The following CDH4 variants were observed in gnomAD, a reference collection of about 807,000 sequenced individuals.
The protein encoded by CDH4 is cadherin-4.
Under a neutral mutation model 86.0 loss-of-function variants are expected in CDH4, and 33 were observed. That is an observed-to-expected ratio of 0.38 (90% confidence interval 0.29 to 0.51). The LOEUF (loss-of-function observed/expected upper bound fraction) is 0.51, where lower values mean the gene tolerates loss of function less well. Among genes scored for constraint, CDH4 ranks in the 20% least tolerant of loss-of-function variants. The pLI is 0.86. For synonymous variants in CDH4, 555 were observed against 549.4 expected (o/e 1.01, Z -0.14); for missense variants, 1,114 against 1,307.4 (o/e 0.85, Z 2.28).
intron 2 of CDH4, among the ~76,000 whole-genome samples, chr20:61,679,968 A>G (rs1411722393): frequency 2.6e-5 from 4 of 151,948 alleles, no homozygotes; most frequent in Non-Finnish European, 5.9e-5. Context: ...AGTCCCCAAG[A>G]GGAGACCCTC....
rs1481111412 is a variant in CDH4 at position 61,852,830 on chromosome 20, T to C, written c.809T>C (p.Met270Thr). The C allele has an allele frequency of 1.9e-6, 3 of 1,614,112 alleles. No homozygotes were observed. Among genetic ancestry groups the C allele is most frequent in the Non-Finnish European group, 2.5e-6 (3 of 1,179,992 alleles). ...PIDLYIYVID[M>T]NDNRPEFINQ... ...GACCTGTACATCTACGTCATCGACA[T>C]GAATGACAACCGCCCTGAGTTCATC... The change falls in exon 6 of 16, where the codon ATG becomes ACG. Residue 270 changes from methionine to threonine, a missense_variant. Met to Thr is a moderately conservative substitution (Grantham distance 81). Around this residue, in one of 3 missense-constraint regions of CDH4, gnomAD observed 705 missense variants for 914.1 expected, o/e 0.77. Coordinates refer to ENST00000614565, the MANE Select transcript of CDH4 (RefSeq NM_001794.5).
At chr20:61,457,706 T>A (rs2085416168) in intron 2 of CDH4, among the ~76,000 whole-genome samples, 2 of 151,270 alleles carry the variant, frequency 1.3e-5, no homozygotes, top group Admixed American at 1.3e-4. Flanking sequence ...ATGGTGATGG[T>A]TATGATGGTG....
intron 2 of CDH4, among the ~76,000 whole-genome samples, chr20:61,503,934 G>A (rs528032732): frequency 1.3e-5 from 2 of 152,286 alleles, no homozygotes; most frequent in South Asian, 4.1e-4. Flanking sequence ...CCCAAACAGG[G>A]AGAAGAACAT....
chr20:61,758,531 C>T (rs889265775), intron 3 of CDH4, among the ~76,000 whole-genome samples: 33 of 152,138 alleles, frequency 2.2e-4, no homozygotes, highest in African/African-American at 6.0e-4. Context: ...GAGAGAGCCC[C>T]GGGGTGAATC....
rs1194002549 is a variant in CDH4, at chr20:61,821,818, A to G, written c.577-22850A>G. Among the ~76,000 whole-genome samples the G allele has an allele frequency of 2.0e-5, 3 of 152,346 alleles. No homozygotes were observed. In the East Asian group the frequency reaches 5.8e-4, roughly 29 times the overall value. The stretch of plus-strand genomic sequence containing the variant: ...TCCCAGGCACCTGGATGGCCTGGGT[A>G]CCATGTACCCGAGAGAGATGGCAGG... On this transcript the variant is annotated intron_variant, in intron 4 of 15. Transcript: ENST00000614565.
rs1039497442 is a variant in CDH4 at position 61,928,131 on chromosome 20, G to A, written c.1772-59G>A. ...TTGTGTGCGTGTCCTGTGTGGAGCT[G>A]TGGGTTGGTCATGGAGTACCAGGAG... is the stretch of plus-strand genomic sequence containing the variant. On this transcript the variant is annotated intron_variant, in intron 11 of 15. Coordinates refer to ENST00000614565, the MANE Select transcript of CDH4 (RefSeq NM_001794.5). 4 of 1,301,352 alleles carry A rather than the reference G, an allele frequency of 3.1e-6. No individual in the cohort carries two copies. The South Asian group carries it at 3.5e-5, about 11-fold the overall frequency. The allele number at this position is 1,301,352 out of a possible 1,614,324, so 80.6% of individuals were successfully genotyped here.
At chr20:61,737,538 C>A (rs1214182941) in intron 2 of CDH4, among the ~76,000 whole-genome samples, 1 of 152,278 alleles carries the variant, frequency 6.6e-6, no homozygotes, top group African/African-American at 2.4e-5. Context: ...ATGCTGTCAT[C>A]ACCTGGCCAC....
At chr20:61,361,929 A>T (rs1280417649) in intron 2 of CDH4, among the ~76,000 whole-genome samples, 1 of 152,164 alleles carries the variant, frequency 6.6e-6, no homozygotes, top group Non-Finnish European at 1.5e-5. Flanking sequence ...GGCCCAGGGG[A>T]TCCTGTGCAC....
chr20:61,477,236 G>A (rs2085542528), intron 2 of CDH4, among the ~76,000 whole-genome samples: 1 of 152,258 alleles, frequency 6.6e-6, no homozygotes, highest in Non-Finnish European at 1.5e-5. Flanking sequence ...CGGGGCAGGA[G>A]GGGTCCTATG....
At chr20:61,728,467 G>A (rs1052572894) in intron 2 of CDH4, among the ~76,000 whole-genome samples, 1 of 152,138 alleles carries the variant, frequency 6.6e-6, no homozygotes, top group Non-Finnish European at 1.5e-5. Flanking sequence ...CAGGAAAGGG[G>A]AGTGCCAAGC....
chr20:61,679,258 T>A (rs904088438), intron 2 of CDH4, among the ~76,000 whole-genome samples: 2 of 152,134 alleles, frequency 1.3e-5, no homozygotes, highest in Middle Eastern at 3.2e-3. Flanking sequence ...TGTCCTCGTC[T>A]CTCTTACTCT....
intron 2 of CDH4, among the ~76,000 whole-genome samples, chr20:61,276,297 T>G (rs1350420073): frequency 6.6e-6 from 1 of 152,198 alleles, no homozygotes. Flanking sequence ...AAGTGCACAT[T>G]TGCACTTTCA....
chr20:61,699,940 G>A (rs976298602), intron 2 of CDH4, among the ~76,000 whole-genome samples: 1 of 152,182 alleles, frequency 6.6e-6, no homozygotes, highest in Non-Finnish European at 1.5e-5. Context: ...CTGTTGGGGG[G>A]CCCCATGTCA....
chr20:61,328,348 T>C (rs1318111396), intron 2 of CDH4, among the ~76,000 whole-genome samples: 1 of 152,136 alleles, frequency 6.6e-6, no homozygotes, highest in East Asian at 1.9e-4. Context: ...GCTAATTTTT[T>C]GTATTTTTAG....
chr20:61,558,598 A>G (rs1430670963), intron 2 of CDH4, among the ~76,000 whole-genome samples: 2 of 152,248 alleles, frequency 1.3e-5, no homozygotes, highest in Non-Finnish European at 2.9e-5. Flanking sequence ...GGAAATGCGT[A>G]TCAGGCAAAA....
chr20:61,272,576 G>T lies in CDH4; in HGVS notation c.169+17639G>T, dbSNP rs141711521. ...GTTGCTGGAAAATGGCACCATCAAT[G>T]AATGCATTGTTTGTTGCAGAAGTTC... On this transcript the variant is annotated intron_variant, in intron 2 of 15. Transcript: ENST00000614565. Among the ~76,000 whole-genome samples the T allele has an allele frequency of 6.1e-3, 927 of 152,308 alleles. 6 individuals carry two copies. The highest frequency in any genetic ancestry group is 9.2e-3 in the Non-Finnish European group (625 of 68,032).
At chr20:61,759,994 G>A (rs542802266) in intron 3 of CDH4, among the ~76,000 whole-genome samples, 29 of 152,310 alleles carry the variant, frequency 1.9e-4, no homozygotes, top group African/African-American at 5.3e-4. Context: ...TAGCTTGTCC[G>A]GATCTCTTTG....
At chr20:61,768,508 A>G (rs927994449) in intron 3 of CDH4, among the ~76,000 whole-genome samples, 1 of 152,242 alleles carries the variant, frequency 6.6e-6, no homozygotes, top group Non-Finnish European at 1.5e-5. Flanking sequence ...TCCGAAATAC[A>G]GAAGAAAAAC....
chr20:61,550,727 C>T (rs987603908), intron 2 of CDH4, among the ~76,000 whole-genome samples: 2 of 152,242 alleles, frequency 1.3e-5, no homozygotes, highest in African/African-American at 2.4e-5. Flanking sequence ...CCTTGCAGTG[C>T]AGAGAGCCAC....
Sources: allele counts gnomAD v4.1 joint callset (sites outside exome capture counted in the v4.1 genomes callset), GRCh38; gene constraint gnomAD v4.1.1; regional missense constraint gnomAD v4.1.1; transcripts MANE v1.5; gene names NCBI Gene and HGNC (gene_info 2026-07-23, HGNC 2026-07-21).